CSMD3: variants seen among roughly 807,000 people sequenced by gnomAD.
CSMD3 encodes the protein CUB and Sushi multiple domains 3.
A neutral mutation model predicts 435.2 loss-of-function variants in CSMD3; 177 were observed. That is an observed-to-expected ratio of 0.41 (90% CI 0.36 to 0.46). The LOEUF is 0.46. Among genes scored for constraint, CSMD3 ranks in the 20% least tolerant of loss-of-function variants. CSMD3 has a pLI of 0.34. For synonymous variants in CSMD3, 1,656 were observed against 1,520.5 expected (o/e 1.09, Z -2.07); for missense variants, 4,265 against 4,504.6 (o/e 0.95, Z 1.52).
intron 17 of CSMD3, among the ~76,000 whole-genome samples, chr8:112,659,325 A>G (rs2131674692): frequency 6.6e-6 from 1 of 152,328 alleles, no homozygotes; most frequent in Admixed American, 6.5e-5. Flanking sequence ...TAAATTTCTC[A>G]TGAATTGCCT....
intron 38 of CSMD3, among the ~76,000 whole-genome samples, chr8:112,354,275 G>A (rs1826392860): frequency 6.6e-6 from 1 of 152,064 alleles, no homozygotes; most frequent in Admixed American, 6.6e-5. Flanking sequence ...AATTCATGTT[G>A]AGAAGAGGAA....
chr8:112,608,887 A>C (rs1833007420), intron 22 of CSMD3, among the ~76,000 whole-genome samples: 1 of 152,028 alleles, frequency 6.6e-6, no homozygotes, highest in African/African-American at 2.4e-5. Flanking sequence ...CTGAAACCTT[A>C]ACACTTCTAA....
At chr8:112,277,890 T>C (rs958891730) in intron 59 of CSMD3, among the ~76,000 whole-genome samples, 4 of 152,056 alleles carry the variant, frequency 2.6e-5, no homozygotes, top group Non-Finnish European at 4.4e-5. Context: ...TGCCCCATGA[T>C]TAAATTATCT....
chr8:112,937,263 G>A (rs2083308211), intron 9 of CSMD3, among the ~76,000 whole-genome samples: 1 of 151,442 alleles, frequency 6.6e-6, no homozygotes, highest in Non-Finnish European at 1.5e-5. Context: ...GTTTTTATAT[G>A]GTAATAATGT....
chr8:112,236,142 T>C lies in CSMD3; in HGVS notation c.10627+1048A>G, dbSNP rs577029081. Among the ~76,000 whole-genome samples the C allele has an allele frequency of 2.1e-4, 32 of 152,090 alleles. No homozygotes were observed. In the South Asian group the frequency reaches 6.6e-3, roughly 32 times the overall value. The stretch of plus-strand genomic sequence containing the variant: ...GATCATTCAATAATAAGAATGACAC[T>C]CAAAATTCATTCTAAAATTTATAAA... On this transcript the variant is annotated intron_variant, in intron 67 of 70. Transcript: ENST00000297405.
chr8:112,813,081 C>T (rs1169337768), intron 12 of CSMD3, among the ~76,000 whole-genome samples: 2 of 152,110 alleles, frequency 1.3e-5, no homozygotes, highest in African/African-American at 4.8e-5. Context: ...TAAGTGTTAA[C>T]GCCTAAGGTT....
chr8:113,142,119 A>G (rs1014310338), intron 4 of CSMD3, among the ~76,000 whole-genome samples: 3 of 151,184 alleles, frequency 2.0e-5, no homozygotes, highest in Non-Finnish European at 4.5e-5. Flanking sequence ...GGAAGAAATC[A>G]TAAATAACTA....
In CSMD3 at chr8:113,132,096, T is replaced by C. The variant is rs112113839; in HGVS notation, c.710-33133A>G. On this transcript the variant is annotated intron_variant, in intron 4 of 70. Coordinates refer to ENST00000297405, the MANE Select transcript of CSMD3 (RefSeq NM_198123.2). Reference sequence around the variant, plus strand: ...ATTTTTCCTTTTTGTAGCAGAGGCATTTACCCAATGCCTGTACCTCCATTT... The same window carrying C: ...ATTTTTCCTTTTTGTAGCAGAGGCACTTACCCAATGCCTGTACCTCCATTT... 3.8e-3 allele frequency among the ~76,000 whole-genome samples: 577 copies of C among 152,264 alleles called. 4 individuals carry two copies. The highest frequency in any genetic ancestry group is 0.013 in the African/African-American group (541 of 41,568).
At chr8:113,186,769 T>G (rs1446347797) in intron 3 of CSMD3, among the ~76,000 whole-genome samples, 1 of 152,020 alleles carries the variant, frequency 6.6e-6, no homozygotes, top group Non-Finnish European at 1.5e-5. Flanking sequence ...GATAGCTTTA[T>G]TTAACGTTCC....
At chr8:112,644,131 A>G (rs2074912919) in intron 20 of CSMD3, among the ~76,000 whole-genome samples, 1 of 151,788 alleles carries the variant, frequency 6.6e-6, no homozygotes, top group South Asian at 2.1e-4. Context: ...GCTCTTTTAG[A>G]AGATCAACCC....
At chr8:113,099,794 C>T (rs1390644756) in intron 4 of CSMD3, among the ~76,000 whole-genome samples, 2 of 152,036 alleles carry the variant, frequency 1.3e-5, no homozygotes. Context: ...GCTCCTGTTT[C>T]ATAAAGGAAT....
intron 50 of CSMD3, 166 bp downstream of exon 50, chr8:112,310,812 C>T (rs1821905872): frequency 1.4e-6 from 1 of 713,550 alleles, no homozygotes; most frequent in East Asian, 2.7e-5. Flanking sequence ...TTTCTTTCCC[C>T]TGGAATTTAT....
chr8:113,301,427 CA>C (rs760921605), intron 2 of CSMD3, among the ~76,000 whole-genome samples: 67 of 151,776 alleles, frequency 4.4e-4, no homozygotes, highest in Non-Finnish European at 5.6e-4. Context: ...TATATATTTT[CA>C]TTTTTTTAAA....
intron 6 of CSMD3, among the ~76,000 whole-genome samples, chr8:113,017,061 C>T (rs912023877): frequency 6.6e-6 from 1 of 151,772 alleles, no homozygotes; most frequent in Non-Finnish European, 1.5e-5. Context: ...AAAATCAAAG[C>T]TTCAATTTTC....
intron 13 of CSMD3, among the ~76,000 whole-genome samples, chr8:112,795,072 C>T (rs1199326541): frequency 2.6e-5 from 4 of 152,188 alleles, no homozygotes; most frequent in Admixed American, 2.6e-4. Context: ...CTCTAAAAAA[C>T]ATGTAACTTT....
chr8:112,595,042 A>G (rs1831562295), intron 22 of CSMD3, among the ~76,000 whole-genome samples: 1 of 152,128 alleles, frequency 6.6e-6, no homozygotes, highest in African/African-American at 2.4e-5. Flanking sequence ...TGAGAGAAGA[A>G]GGCTTCAGAT....
chr8:113,203,360 G>A (rs2092734074), intron 3 of CSMD3, among the ~76,000 whole-genome samples: 1 of 151,910 alleles, frequency 6.6e-6, no homozygotes. Context: ...GAGTTCAATG[G>A]TACAATCATG....
intron 7 of CSMD3, among the ~76,000 whole-genome samples, chr8:112,963,144 G>T (rs762314691): frequency 2.1e-4 from 32 of 151,886 alleles, no homozygotes; most frequent in Non-Finnish European, 2.8e-4. Flanking sequence ...ATTGGAGTTT[G>T]CTGGACTCTT....
chr8:113,271,861 C>A (rs2093530469), intron 3 of CSMD3, among the ~76,000 whole-genome samples: 1 of 152,164 alleles, frequency 6.6e-6, no homozygotes, highest in African/African-American at 2.4e-5. Flanking sequence ...AGAAGTGGTG[C>A]TATACCCTGC....
Sources: allele counts gnomAD v4.1 joint callset (sites outside exome capture counted in the v4.1 genomes callset), GRCh38; gene constraint gnomAD v4.1.1; transcripts MANE v1.5; gene names NCBI Gene and HGNC (gene_info 2026-07-23, HGNC 2026-07-21).